Variants in CASR observed in about 807,000 individuals in gnomAD.
CASR encodes the protein calcium sensing receptor, also known as extracellular calcium-sensing receptor.
In CASR, 23 loss-of-function variants were observed where a neutral mutation model predicts 69.1. The ratio of observed to expected loss-of-function variants is 0.33; its 90% CI spans 0.24 to 0.47. The LOEUF (loss-of-function observed/expected upper bound fraction) is 0.47. Among genes scored for constraint, CASR ranks in the 20% least tolerant of loss-of-function variants. The pLI is 1.00. For missense variants in CASR, 924 were observed against 1,356.1 expected (o/e 0.68, Z 5.00); for synonymous variants, 541 against 544.7 (o/e 0.99, Z 0.10).
intron 1 of CASR, among the ~76,000 whole-genome samples, chr3:122,241,850 C>T (rs999938200): frequency 1.3e-5 from 2 of 152,082 alleles, no homozygotes; most frequent in Non-Finnish European, 2.9e-5. Flanking sequence ...TGGGATCTAT[C>T]CTGTGGACGC....
intron 1 of CASR, among the ~76,000 whole-genome samples, chr3:122,220,075 T>G (rs998783675): frequency 6.6e-6 from 1 of 152,224 alleles, no homozygotes; most frequent in Non-Finnish European, 1.5e-5. Flanking sequence ...GTGTGGCAGC[T>G]GGAGTGTCAG....
At chr3:122,262,811 G>A (rs1039348355) in intron 4 of CASR, among the ~76,000 whole-genome samples, 5 of 152,158 alleles carry the variant, frequency 3.3e-5, no homozygotes, top group Non-Finnish European at 7.3e-5. Flanking sequence ...GTGGCATAAA[G>A]CTAGTATTAT....
At chr3:122,208,163 A>T (rs2074027613) in intron 1 of CASR, among the ~76,000 whole-genome samples, 1 of 152,140 alleles carries the variant, frequency 6.6e-6, no homozygotes, top group Admixed American at 6.6e-5. Flanking sequence ...TCACTTATCA[A>T]TTATTAATGG....
chr3:122,264,479 G>A (rs771883241), intron 4 of CASR, among the ~76,000 whole-genome samples: 1 of 152,212 alleles, frequency 6.6e-6, no homozygotes, highest in Admixed American at 6.5e-5. Context: ...TGAATCTCCA[G>A]TGGGAAGTCA....
intron 4 of CASR, among the ~76,000 whole-genome samples, chr3:122,269,386 C>A (rs146013680): frequency 2.5e-4 from 38 of 152,268 alleles, no homozygotes; most frequent in African/African-American, 8.4e-4. Context: ...TGAGAAAGTT[C>A]CCTTTTATTC....
chr3:122,196,958 A>G (rs562403431), intron 1 of CASR, among the ~76,000 whole-genome samples: 1 of 152,128 alleles, frequency 6.6e-6, no homozygotes, highest in South Asian at 2.1e-4. Context: ...TTTTTTTTGT[A>G]TGTGTGGTCA....
chr3:122,206,165 T>C (rs1337372669), intron 1 of CASR, among the ~76,000 whole-genome samples: 1 of 151,998 alleles, frequency 6.6e-6, no homozygotes, highest in Non-Finnish European at 1.5e-5. Context: ...TAAAGGAAAG[T>C]CCTTTAATTT....
At chr3:122,258,358 CTT>C (rs34570632) in intron 3 of CASR, among the ~76,000 whole-genome samples, 1,851 of 115,158 alleles carry the variant, frequency 0.016, 26 homozygotes, top group African/African-American at 0.039. Context: ...GGGAGGGCTC[CTT>C]TTTTTTTTTT....
At chr3:122,208,456 G>C (rs2074030573) in intron 1 of CASR, among the ~76,000 whole-genome samples, 1 of 152,070 alleles carries the variant, frequency 6.6e-6, no homozygotes, top group African/African-American at 2.4e-5. Flanking sequence ...ATACTACTAA[G>C]CTGGCTGAAA....
At chr3:122,197,507 A>G (rs544239871) in intron 1 of CASR, among the ~76,000 whole-genome samples, 2 of 152,304 alleles carry the variant, frequency 1.3e-5, no homozygotes, top group African/African-American at 4.8e-5. Context: ...TTTTATATTT[A>G]TAATTTCCCC....
At chr3:122,256,259 A>T (rs1427150013) in intron 2 of CASR, among the ~76,000 whole-genome samples, 1 of 152,180 alleles carries the variant, frequency 6.6e-6, no homozygotes. Context: ...CTTGACCTTC[A>T]GGAATGTCAT....
At position 122,284,798 on chromosome 3, in the gene CASR, G is replaced by C. The variant is rs140586950; in HGVS notation, c.2844G>C (p.Leu948=). 6.2e-7 allele frequency: 1 copy of C among 1,614,136 alleles called. No homozygotes were observed. The highest frequency in any genetic ancestry group is 1.7e-5 in the Admixed American group (1 of 60,024). Residue 948 remains leucine, a synonymous_variant, in exon 7 of 7, where the codon CTG becomes CTC. Transcript: ENST00000639785. The part of the protein sequence containing the change: ...LTQQEQQQQP[L]TLPQQQRSQQ... ...AGCAAGAGCAGCAGCAGCAGCCCCTGACCCTCCCACAGCAGCAACGATCTC... is the reference window on the plus strand; with the variant it reads ...AGCAAGAGCAGCAGCAGCAGCCCCTCACCCTCCCACAGCAGCAACGATCTC...
chr3:122,268,808 C>T (rs1328326856), intron 4 of CASR, among the ~76,000 whole-genome samples: 2 of 152,176 alleles, frequency 1.3e-5, no homozygotes, highest in Non-Finnish European at 2.9e-5. Flanking sequence ...GATACAGGCA[C>T]AGATAAGGGA....
rs1256856876 is a variant in CASR at position 122,284,979 on chromosome 3, C to G, written c.3025C>G (p.Arg1009Gly). Reference protein sequence around the residue: ...EAQKSSDTLTRHEPLLPLQCG... With the variant: ...EAQKSSDTLTGHEPLLPLQCG... ...CCAGAAAAGCAGCGATACGCTGACC[C>G]GACACGAGCCATTACTCCCGCTGCA... Residue 1009 changes from arginine to glycine, a missense_variant, in exon 7 of 7, where the codon CGA (arginine) becomes GGA (glycine). Arg to Gly is a moderately radical substitution (Grantham distance 125, BLOSUM62 -2). This residue lies in a region of CASR where 201 missense variants were observed against 228.8 expected (regional missense o/e 0.88). Transcript: ENST00000639785. 1.5e-5 allele frequency: 25 copies of G among 1,614,194 alleles called. No homozygotes were observed. The highest frequency in any genetic ancestry group is 2.0e-5 in the Non-Finnish European group (24 of 1,180,034).
chr3:122,254,368 G>T lies in CASR; in HGVS notation c.179G>T (p.Cys60Phe), dbSNP rs772906030. The T allele has an allele frequency of 4.3e-6, 7 of 1,614,106 alleles. No individual in the cohort carries two copies. The highest frequency in any genetic ancestry group is 5.9e-6 in the Non-Finnish European group (7 of 1,179,950). ...DLKSRPESVE[C>F]IRYNFRGFRW... ...AAATCAAGGCCGGAGTCTGTGGAAT[G>T]TATCAGGTAAGAAGAGGGGCCTAAT... Residue 60 changes from cysteine to phenylalanine, a missense_variant, in exon 2 of 7, where the codon TGT becomes TTT. Cys to Phe is a radical substitution (Grantham distance 205, BLOSUM62 -2). This residue lies in a region of CASR where 141 missense variants were observed against 283.0 expected (regional missense o/e 0.50). Coordinates refer to ENST00000639785, the MANE Select transcript of CASR (RefSeq NM_000388.4).
chr3:122,245,904 G>C (rs2107617729), intron 1 of CASR, among the ~76,000 whole-genome samples: 1 of 152,282 alleles, frequency 6.6e-6, no homozygotes, highest in East Asian at 1.9e-4. Context: ...TTAGTCCTCT[G>C]AAGTCCTAAA....
At chr3:122,252,268 C>T (rs1350640778) in intron 1 of CASR, among the ~76,000 whole-genome samples, 2 of 149,028 alleles carry the variant, frequency 1.3e-5, no homozygotes, top group Non-Finnish European at 3.0e-5. Context: ...CACTGCATTC[C>T]AGGCTGGGCG....
Position 122,285,120 on chromosome 3 carries a change from G to C in CASR, c.3166G>C (p.Val1056Leu), listed in dbSNP as rs2074954670. Residue 1056 changes from valine to leucine, a missense_variant, in exon 7 of 7, where the codon GTG (valine) becomes CTG (leucine). Coordinates refer to ENST00000639785, the MANE Select transcript of CASR (RefSeq NM_000388.4). ...DPEELSPALVVSSSQSFVISG... is the reference protein window; with the variant it reads ...DPEELSPALVLSSSQSFVISG... ...TGAAGAGTTGTCCCCAGCACTTGTA[G>C]TGTCCAGTTCACAGAGCTTTGTCAT... 1.9e-6 allele frequency: 3 copies of C among 1,614,228 alleles called. No homozygotes were observed. Among genetic ancestry groups the C allele is most frequent in the Non-Finnish European group, 2.5e-6 (3 of 1,180,040 alleles).
At chr3:122,228,224 G>A (rs1262184320) in intron 1 of CASR, among the ~76,000 whole-genome samples, 2 of 152,124 alleles carry the variant, frequency 1.3e-5, no homozygotes, top group African/African-American at 2.4e-5. Context: ...TCTTTTCTTG[G>A]TCTAATAGTG....
Sources: gnomAD v4.1 joint callset for allele counts (sites outside exome capture counted in the v4.1 genomes callset) on GRCh38, gnomAD v4.1.1 for gene constraint, gnomAD v4.1.1 regional missense constraint, MANE v1.5 for transcripts, NCBI Gene and HGNC (gene_info 2026-07-23, HGNC 2026-07-21) for gene names.